MAML2: variants seen among roughly 807,000 people sequenced by gnomAD.
The protein encoded by MAML2 is mastermind like transcriptional coactivator 2, also known as mastermind-like protein 2.
MAML2 carries 22 observed loss-of-function variants against 96.1 expected under a neutral mutation model. The ratio of observed to expected loss-of-function variants is 0.23; its 90% CI spans 0.16 to 0.33. The LOEUF (loss-of-function observed/expected upper bound fraction) is 0.33. Among genes scored for constraint, MAML2 ranks in the 10% least tolerant of loss-of-function variants. The probability of loss-of-function intolerance (pLI) is 1.00; values close to 1 mark genes in which losing one functional copy is unlikely to be tolerated. For synonymous variants in MAML2, 561 were observed against 521.3 expected, an observed-to-expected ratio of 1.08 and a Z score of -1.04; for missense variants, 1,367 against 1,392.4, an observed-to-expected ratio of 0.98 and a Z score of 0.29.
At chr11:96,284,103 C>T (rs1591113069) in intron 1 of MAML2, among the ~76,000 whole-genome samples, 1 of 152,152 alleles carries the variant, frequency 6.6e-6, no homozygotes. Flanking sequence ...CTTAAAACTC[C>T]TTTCTCCCTT....
chr11:96,206,048 T>G (rs1861891333), intron 1 of MAML2, among the ~76,000 whole-genome samples: 1 of 152,152 alleles, frequency 6.6e-6, no homozygotes, highest in African/African-American at 2.4e-5. Flanking sequence ...TCTAAAAGCT[T>G]TCTTAATTTC....
At chr11:96,179,227 T>A (rs532509239) in intron 1 of MAML2, among the ~76,000 whole-genome samples, 5 of 152,226 alleles carry the variant, frequency 3.3e-5, no homozygotes, top group Non-Finnish European at 5.9e-5. Context: ...ATATGCCAAC[T>A]GTTATCCTTC....
chr11:96,157,250 T>C (rs1861024338), intron 1 of MAML2, among the ~76,000 whole-genome samples: 1 of 152,252 alleles, frequency 6.6e-6, no homozygotes, highest in African/African-American at 2.4e-5. Context: ...AAGTGACACC[T>C]GGTAGGAGAA....
chr11:96,148,713 C>T (rs1218654986), intron 1 of MAML2, among the ~76,000 whole-genome samples: 7 of 145,794 alleles, frequency 4.8e-5, no homozygotes, highest in Non-Finnish European at 4.6e-5. Context: ...CACACATAAG[C>T]ACGCACACTA....
At chr11:96,248,310 T>C (rs897661165) in intron 1 of MAML2, among the ~76,000 whole-genome samples, 1 of 150,832 alleles carries the variant, frequency 6.6e-6, no homozygotes, top group Non-Finnish European at 1.5e-5. Context: ...CGGGGTTTCA[T>C]CATTTTGGCC....
chr11:96,162,647 G>C (rs2135890741), intron 1 of MAML2, among the ~76,000 whole-genome samples: 1 of 150,898 alleles, frequency 6.6e-6, no homozygotes, highest in African/African-American at 2.4e-5. Context: ...AGAGGTGGAG[G>C]TTTCGGTGAG....
Position 96,315,777 on chromosome 11 carries a change from T to C in MAML2, c.513+25606A>G, listed in dbSNP as rs113377069. On this transcript the variant is annotated intron_variant, in intron 1 of 4. Coordinates refer to ENST00000524717, the MANE Select transcript of MAML2 (RefSeq NM_032427.4). ...CTACCATCCTCTCTGAGCCAGGCTA[T>C]GCATCCAGTCCCTGCACAGAGGAGC... is the stretch of plus-strand genomic sequence containing the variant. Among the ~76,000 whole-genome samples, 887 of 152,338 alleles carry C rather than the reference T, an allele frequency of 5.8e-3. 9 individuals carry two copies. Among genetic ancestry groups the C allele is most frequent in the African/African-American group, 0.02 (825 of 41,578 alleles).
At chr11:96,077,788 T>G (rs1320854084) in intron 2 of MAML2, among the ~76,000 whole-genome samples, 2 of 152,200 alleles carry the variant, frequency 1.3e-5, no homozygotes, top group South Asian at 4.1e-4. Flanking sequence ...GGGCCCTGCC[T>G]TGCCTGGTGC....
At chr11:96,279,258 G>A (rs73531111) in intron 1 of MAML2, among the ~76,000 whole-genome samples, 30 of 152,178 alleles carry the variant, frequency 2.0e-4, no homozygotes, top group Non-Finnish European at 1.9e-4. Context: ...CTTATGGGAC[G>A]TTACCACGGA....
In MAML2 at chr11:95,979,038, A is replaced by G. The variant is rs763114370; in HGVS notation, c.3381T>C (p.Asp1127=). ...NMGPALNSDA[D]FIDSLLKTEP... ...CTGTCTTCAATAAAGAATCAATGAA[A>G]TCAGCATCACTGTTTAGGGCAGGGC... Residue 1127 remains aspartate (D), a synonymous_variant, in exon 5 of 5, where the codon GAT becomes GAC. Transcript: ENST00000524717. 1.2e-6 allele frequency: 2 copies of G among 1,614,004 alleles called. No homozygotes were observed. Among genetic ancestry groups the G allele is most frequent in the South Asian group, 2.2e-5 (2 of 91,080 alleles).
chr11:96,274,049 T>G (rs1407300182), intron 1 of MAML2, among the ~76,000 whole-genome samples: 1 of 151,360 alleles, frequency 6.6e-6, no homozygotes, highest in Non-Finnish European at 1.5e-5. Context: ...CTAGTTCTTT[T>G]TCTTGTTTCT....
At position 96,168,730 on chromosome 11, in the gene MAML2, A is replaced by G. The variant is rs988618983; in HGVS notation, c.514-75213T>C. Reference sequence around the variant, plus strand: ...GAGAAATCCTGCTGTTCAAGATGGCATAGTGCCCTGTGAACCTCAGGGTCC... The same window carrying G: ...GAGAAATCCTGCTGTTCAAGATGGCGTAGTGCCCTGTGAACCTCAGGGTCC... On this transcript the variant is annotated intron_variant, in intron 1 of 4. Coordinates refer to ENST00000524717, the MANE Select transcript of MAML2 (RefSeq NM_032427.4). 3.3e-5 allele frequency among the ~76,000 whole-genome samples: 5 copies of G among 152,308 alleles called. No individual in the cohort carries two copies. In the South Asian group the frequency reaches 6.2e-4, roughly 19 times the overall value.
intron 4 of MAML2, among the ~76,000 whole-genome samples, chr11:95,984,873 T>C (rs1857801063): frequency 6.6e-6 from 1 of 152,172 alleles, no homozygotes; most frequent in Admixed American, 6.5e-5. Flanking sequence ...ATTGAATAGT[T>C]GCTGAATAGG....
chr11:96,121,095 A>G (rs1055307001), intron 1 of MAML2, among the ~76,000 whole-genome samples: 2 of 152,144 alleles, frequency 1.3e-5, no homozygotes, highest in African/African-American at 4.8e-5. Context: ...GGGGGAGTGA[A>G]GGATACTTTG....
intron 1 of MAML2, among the ~76,000 whole-genome samples, chr11:96,116,576 C>G (rs1392432488): frequency 6.6e-6 from 1 of 152,198 alleles, no homozygotes; most frequent in Non-Finnish European, 1.5e-5. Flanking sequence ...AACTGCTAAG[C>G]TTTCTGGTGT....
rs1338004303 is a variant in MAML2, at chr11:96,093,279, T to C, written c.752A>G (p.His251Arg). 2 of 1,613,930 alleles carry C rather than the reference T, an allele frequency of 1.2e-6. No individual in the cohort carries two copies. The highest frequency in any genetic ancestry group is 1.6e-4 in the Middle Eastern group (1 of 6,084). ...RKTNTLPSHT[H>R]SPGNGLFNMG... ...GTTAAACAGGCCATTGCCAGGAGAA[T>C]GTGTATGGGATGGCAGAGTGTTAGT... is the stretch of plus-strand genomic sequence containing the variant. Residue 251 changes from histidine to arginine, a missense_variant, in exon 2 of 5, where the codon CAT becomes CGT. His to Arg is a conservative substitution (Grantham distance 29). Transcript: ENST00000524717.
At chr11:96,340,744 TGAGA>T (rs1212189449) in intron 1 of MAML2, among the ~76,000 whole-genome samples, 5 of 151,734 alleles carry the variant, frequency 3.3e-5, no homozygotes, top group African/African-American at 1.2e-4. Flanking sequence ...GGCTCAGGAG[TGAGA>T]GAGTCTAGAG....
chr11:96,169,797 G>T (rs764930815), intron 1 of MAML2, among the ~76,000 whole-genome samples: 1 of 152,082 alleles, frequency 6.6e-6, no homozygotes, highest in Non-Finnish European at 1.5e-5. Context: ...TGGGACTACA[G>T]GTGCGTGCCA....
At chr11:96,340,822 C>G (rs1863982326) in intron 1 of MAML2, among the ~76,000 whole-genome samples, 1 of 152,024 alleles carries the variant, frequency 6.6e-6, no homozygotes, top group South Asian at 2.1e-4. Flanking sequence ...GATATTTTCC[C>G]CAAATTTTGT....
Sources: gnomAD v4.1 joint callset for allele counts (sites outside exome capture counted in the v4.1 genomes callset) on GRCh38, gnomAD v4.1.1 for gene constraint, MANE v1.5 for transcripts, NCBI Gene and HGNC (gene_info 2026-07-23, HGNC 2026-07-21) for gene names.